Variants in ANKRD30BL observed in about 807,000 individuals in gnomAD.
ANKRD30BL encodes the protein ankyrin repeat domain 30B like, also known as putative ankyrin repeat domain-containing protein 30B-like.
Under a neutral mutation model 18.4 loss-of-function variants are expected in ANKRD30BL, and 20 were observed. The ratio of observed to expected loss-of-function variants is 1.09; its 90% CI spans 0.77 to 1.58. The LOEUF (loss-of-function observed/expected upper bound fraction) is 1.58, where lower values mean the gene tolerates loss of function less well. ANKRD30BL is among the 40% of genes most tolerant of loss of function. The pLI is 0.00. For missense variants in ANKRD30BL, 224 were observed against 268.6 expected (o/e 0.83, Z 1.16); for synonymous variants, 72 against 100.9 (o/e 0.71, Z 1.72).
At chr2:132,209,070 A>T (rs1267954553) in intron 1 of ANKRD30BL, among the ~76,000 whole-genome samples, 1 of 148,876 alleles carries the variant, frequency 6.7e-6, no homozygotes, top group Non-Finnish European at 1.5e-5. Flanking sequence ...CATTAATCTC[A>T]CAGAGTTGAA....
intron 1 of ANKRD30BL, among the ~76,000 whole-genome samples, chr2:132,201,755 C>T (rs889857201): frequency 4.6e-5 from 7 of 152,150 alleles, no homozygotes; most frequent in Non-Finnish European, 1.0e-4. Context: ...AGATCTAGAA[C>T]TAGAAATACC....
chr2:132,174,721 T>G (rs1219132821), intron 1 of ANKRD30BL, among the ~76,000 whole-genome samples: 5 of 152,238 alleles, frequency 3.3e-5, no homozygotes, highest in Non-Finnish European at 7.3e-5. Context: ...TCAAAAGAAG[T>G]AACTTCTATC....
In ANKRD30BL at chr2:132,194,137, C is replaced by G. The variant is rs186781169; in HGVS notation, n.442-36991G>C. Among the ~76,000 whole-genome samples the G allele has an allele frequency of 1.1e-3, 165 of 152,228 alleles. 1 individual carries two copies. The highest frequency in any genetic ancestry group is 3.9e-3 in the African/African-American group (163 of 41,532). The stretch of plus-strand genomic sequence containing the variant: ...TCTCTCTATTTCTCTCCCCCTCACA[C>G]GACTGGGCATTCAAAGGCAGTTCTG... On this transcript the variant is annotated intron_variant and non_coding_transcript_variant, in intron 1 of 4. Coordinates refer to the ANKRD30BL transcript ENST00000470729.
chr2:132,203,106 C>A (rs1404596768), intron 1 of ANKRD30BL, among the ~76,000 whole-genome samples: 1 of 152,288 alleles, frequency 6.6e-6, no homozygotes, highest in Non-Finnish European at 1.5e-5. Context: ...ACAAACCACC[C>A]ACCCCTGCTG....
At chr2:132,162,330 C>T (rs1410086792), upstream of ANKRD30BL, among the ~76,000 whole-genome samples, 3 of 152,214 alleles carry the variant, frequency 2.0e-5, no homozygotes, top group Non-Finnish European at 4.4e-5. Context: ...GTTGCAGCCT[C>T]TCCTGCCACG....
intron 1 of ANKRD30BL, among the ~76,000 whole-genome samples, chr2:132,219,742 G>C (rs199773368): frequency 6.6e-6 from 1 of 152,118 alleles, no homozygotes; most frequent in South Asian, 2.1e-4. Flanking sequence ...TTTTTTGATA[G>C]AGCAGTTTTG....
At chr2:132,191,946 G>A (rs1388236990) in intron 1 of ANKRD30BL, among the ~76,000 whole-genome samples, 11 of 151,858 alleles carry the variant, frequency 7.2e-5, no homozygotes, top group South Asian at 2.1e-4. Flanking sequence ...GGGTTTCACC[G>A]TGTTAGCCAG....
intron 1 of ANKRD30BL, among the ~76,000 whole-genome samples, chr2:132,253,742 T>C (rs72869408): frequency 6.6e-6 from 1 of 151,120 alleles, no homozygotes; most frequent in East Asian, 2.0e-4. Context: ...CGGCGACCCC[T>C]CAAGGGGTCC....
At chr2:132,198,160 A>G (rs1185044956) in intron 1 of ANKRD30BL, among the ~76,000 whole-genome samples, 2 of 151,866 alleles carry the variant, frequency 1.3e-5, no homozygotes, top group Non-Finnish European at 2.9e-5. Context: ...TATTTTAACA[A>G]GAGTTATTGT....
At position 132,248,195 on chromosome 2, in the gene ANKRD30BL, G is replaced by T. The variant is rs529153125; in HGVS notation, n.441+9334C>A. Among the ~76,000 whole-genome samples, 1,438 of 152,028 alleles carry T rather than the reference G, an allele frequency of 9.5e-3. 23 individuals are homozygous for T. The highest frequency in any genetic ancestry group is 0.032 in the African/African-American group (1,309 of 41,478). On this transcript the variant is annotated intron_variant and non_coding_transcript_variant, in intron 1 of 4. Coordinates refer to the ANKRD30BL transcript ENST00000470729. ...TCCAAACTGCTCAATCAAAACAAAG[G>T]TTCGACACTGTGAGATGAATACACT... is the stretch of plus-strand genomic sequence containing the variant.
intron 1 of ANKRD30BL, among the ~76,000 whole-genome samples, chr2:132,187,383 T>C (rs1688585669): frequency 6.6e-6 from 1 of 151,810 alleles, no homozygotes; most frequent in Non-Finnish European, 1.5e-5. Flanking sequence ...TTAGTAGAGA[T>C]GGGGTTTAGC....
At chr2:132,187,184 G>GTTTTTT (rs1392451243) in intron 1 of ANKRD30BL, among the ~76,000 whole-genome samples, 11 of 105,348 alleles carry the variant, frequency 1.0e-4, no homozygotes, top group Admixed American at 2.9e-4. Flanking sequence ...TTTTTTTTTT[G>GTTTTTT]TTTGTTTTTT....
chr2:132,181,557 A>T (rs1360370561), intron 1 of ANKRD30BL, among the ~76,000 whole-genome samples: 1 of 152,210 alleles, frequency 6.6e-6, no homozygotes, highest in Non-Finnish European at 1.5e-5. Context: ...AAGCAGACAC[A>T]CACACACACT....
At chr2:132,247,266 T>C (rs1361610297) in intron 1 of ANKRD30BL, among the ~76,000 whole-genome samples, 1 of 151,974 alleles carries the variant, frequency 6.6e-6, no homozygotes, top group Non-Finnish European at 1.5e-5. Flanking sequence ...TTTTGTAGTA[T>C]CTGGAAGTGG....
chr2:132,226,246 G>C (rs1214714338), intron 1 of ANKRD30BL, among the ~76,000 whole-genome samples: 1 of 151,718 alleles, frequency 6.6e-6, no homozygotes, highest in Non-Finnish European at 1.5e-5. Context: ...TCAATTCACA[G>C]AGTTGAACCT....
intron 1 of ANKRD30BL, among the ~76,000 whole-genome samples, chr2:132,255,147 G>T (rs1401316778): frequency 6.6e-6 from 1 of 152,204 alleles, no homozygotes; most frequent in Non-Finnish European, 1.5e-5. Context: ...AATTACAACG[G>T]TATCTGATCG....
At chr2:132,219,303 A>T (rs541086452) in intron 1 of ANKRD30BL, among the ~76,000 whole-genome samples, 9,156 of 151,498 alleles carry the variant, frequency 0.06, 920 homozygotes, top group African/African-American at 0.21. Context: ...TTCGCTGGAA[A>T]CAGGAATATC....
chr2:132,221,112 G>A (rs1418071968), intron 1 of ANKRD30BL, among the ~76,000 whole-genome samples: 15 of 142,902 alleles, frequency 1.0e-4, no homozygotes, highest in African/African-American at 2.8e-5. Flanking sequence ...GAAGTGAGGA[G>A]CCCCTCCGTC....
At chr2:132,181,197 G>A (rs80025540) in intron 1 of ANKRD30BL, among the ~76,000 whole-genome samples, 8 of 151,878 alleles carry the variant, frequency 5.3e-5, no homozygotes, top group African/African-American at 1.9e-4. Context: ...AATGGGGCCG[G>A]GCATGGTGGC....
Sources: gnomAD v4.1 joint callset for allele counts (sites outside exome capture counted in the v4.1 genomes callset) on GRCh38, gnomAD v4.1.1 for gene constraint, MANE v1.5 for transcripts, NCBI Gene and HGNC (gene_info 2026-07-23, HGNC 2026-07-21) for gene names.